Variants in IQGAP2 observed in about 807,000 individuals in gnomAD.
The protein encoded by IQGAP2 is IQ motif containing GTPase activating protein 2, also known as ras GTPase-activating-like protein IQGAP2.
IQGAP2 carries 173 observed loss-of-function variants against 201.3 expected under a neutral mutation model. The ratio of observed to expected loss-of-function variants is 0.86; its 90% CI spans 0.76 to 0.98. The LOEUF (loss-of-function observed/expected upper bound fraction) is 0.98. IQGAP2 is among the 50% of genes least tolerant of loss of function. IQGAP2 has a pLI of 0.00. For missense variants in IQGAP2, 1,687 were observed against 1,864.8 expected (o/e 0.90, Z 1.76); for synonymous variants, 675 against 673.9 (o/e 1.00, Z -0.03).
intron 5 of IQGAP2, among the ~76,000 whole-genome samples, chr5:76,582,833 T>C (rs62362012): frequency 0.16 from 23,601 of 152,180 alleles, 1,989 homozygotes; most frequent in Admixed American, 0.28. Context: ...ATACACTAAA[T>C]GGTATTTTTT....
At chr5:76,441,511 A>C in intron 1 of IQGAP2, 1 of 985,422 alleles carries the variant, frequency 1.0e-6, no homozygotes, top group Non-Finnish European at 1.2e-6. Context: ...GAAAGCGAGC[A>C]TGTTGGTAAG....
chr5:76,538,604 A>C (rs191206233), intron 2 of IQGAP2, among the ~76,000 whole-genome samples: 57 of 152,320 alleles, frequency 3.7e-4, no homozygotes, highest in Middle Eastern at 3.4e-3. Flanking sequence ...TGGTTTCTTA[A>C]GGAGTCTCAC....
intron 2 of IQGAP2, among the ~76,000 whole-genome samples, chr5:76,506,458 G>A (rs1303903430): frequency 1.3e-5 from 2 of 152,118 alleles, no homozygotes; most frequent in African/African-American, 2.4e-5. Context: ...GAAAAATATT[G>A]ACCAATAGGC....
intron 1 of IQGAP2, among the ~76,000 whole-genome samples, chr5:76,429,336 G>A (rs1352389411): frequency 6.6e-6 from 1 of 151,570 alleles, no homozygotes; most frequent in Admixed American, 6.6e-5. Context: ...ACTTTGGGAG[G>A]CTGAGGTGGG....
At chr5:76,663,176 T>C (rs750939542) in intron 21 of IQGAP2, among the ~76,000 whole-genome samples, 2 of 152,176 alleles carry the variant, frequency 1.3e-5, no homozygotes, top group Non-Finnish European at 2.9e-5. Context: ...CATGTCCGCT[T>C]GTGAAAATGA....
At chr5:76,521,328 A>G (rs1758675551) in intron 2 of IQGAP2, among the ~76,000 whole-genome samples, 4 of 152,204 alleles carry the variant, frequency 2.6e-5, no homozygotes. Context: ...AGCTTTTCAT[A>G]AGTGACAACA....
intron 13 of IQGAP2, among the ~76,000 whole-genome samples, chr5:76,625,807 A>G (rs921618956): frequency 6.6e-6 from 1 of 152,210 alleles, no homozygotes; most frequent in Admixed American, 6.5e-5. Context: ...TGCCAGATCC[A>G]TTACCTTTCA....
At chr5:76,535,757 A>C (rs1205492773) in intron 2 of IQGAP2, among the ~76,000 whole-genome samples, 1 of 152,230 alleles carries the variant, frequency 6.6e-6, no homozygotes, top group Non-Finnish European at 1.5e-5. Flanking sequence ...TGCTTCTTGC[A>C]GAGCAGGGCT....
At chr5:76,705,334 T>C (rs1293373652) in intron 35 of IQGAP2, among the ~76,000 whole-genome samples, 2 of 152,224 alleles carry the variant, frequency 1.3e-5, no homozygotes, top group Non-Finnish European at 2.9e-5. Context: ...AAATTGGCAG[T>C]GTTATCCCCA....
intron 8 of IQGAP2, among the ~76,000 whole-genome samples, chr5:76,591,799 A>G (rs1244829287): frequency 1.3e-5 from 2 of 152,080 alleles, no homozygotes; most frequent in African/African-American, 2.4e-5. Flanking sequence ...AGCCCATCCC[A>G]AATTGGCCTC....
In IQGAP2 at chr5:76,702,523, T is replaced by C. The variant is rs547415830; in HGVS notation, c.4547T>C (p.Val1516Ala). The stretch of plus-strand genomic sequence containing the variant: ...TTTGATATCATAGCTACTGAAGATG[T>C]AGGCATTTTCGATGTAAGATCAAAA... The part of the protein sequence containing the change: ...VTFDIIATED[V>A]GIFDVRSKFL... The change falls in exon 35 of 36, where the codon GTA (valine) becomes GCA (alanine). Residue 1516 changes from valine to alanine, a missense_variant. Physicochemically the swap from Val to Ala is moderately conservative, Grantham distance 64 (BLOSUM62 0). Coordinates refer to ENST00000274364, the MANE Select transcript of IQGAP2 (RefSeq NM_006633.5). 2.5e-6 allele frequency: 4 copies of C among 1,596,594 alleles called. No homozygotes were observed. Among genetic ancestry groups the C allele is most frequent in the Non-Finnish European group, 3.4e-6 (4 of 1,164,162 alleles).
intron 28 of IQGAP2, among the ~76,000 whole-genome samples, chr5:76,682,028 G>A (rs1460407106): frequency 6.6e-6 from 1 of 152,136 alleles, no homozygotes; most frequent in African/African-American, 2.4e-5. Context: ...ATACATACAG[G>A]TATATTTGTG....
chr5:76,522,614 AAGG>A (rs1411115341), intron 2 of IQGAP2, among the ~76,000 whole-genome samples: 5 of 152,242 alleles, frequency 3.3e-5, no homozygotes, highest in African/African-American at 1.2e-4. Context: ...TGAATGCAGA[AAGG>A]AGAATTCAGC....
At position 76,564,280 on chromosome 5, in the gene IQGAP2, T is replaced by G. The variant is rs568741813; in HGVS notation, c.303+1728T>G. Among the ~76,000 whole-genome samples the G allele has an allele frequency of 3.1e-3, 473 of 152,340 alleles. 1 individual carries two copies. The highest frequency in any genetic ancestry group is 3.5e-3 in the Non-Finnish European group (238 of 68,024). On this transcript the variant is annotated intron_variant, in intron 3 of 35. Transcript: ENST00000274364. ...ATTAGTCCACATTTTAGACTACAGC[T>G]TGTCTTTTTTTCATTGCTTTTATTT... is the stretch of plus-strand genomic sequence containing the variant.
intron 2 of IQGAP2, among the ~76,000 whole-genome samples, chr5:76,554,667 T>A (rs769185238): frequency 2.2e-4 from 34 of 152,146 alleles, no homozygotes; most frequent in Admixed American, 1.8e-3. Context: ...AGAATATTGG[T>A]AAGGATGTGA....
intron 13 of IQGAP2, among the ~76,000 whole-genome samples, chr5:76,611,592 C>T (rs892703991): frequency 3.9e-5 from 6 of 152,180 alleles, no homozygotes; most frequent in Admixed American, 2.0e-4. Context: ...AGGCAGTGGA[C>T]ATTGTCACAT....
At chr5:76,684,735 C>G (rs1329478190) in intron 30 of IQGAP2, among the ~76,000 whole-genome samples, 1 of 152,164 alleles carries the variant, frequency 6.6e-6, no homozygotes, top group Non-Finnish European at 1.5e-5. Flanking sequence ...TCCAAGCTAC[C>G]TGTCCTGAGT....
chr5:76,520,271 T>C (rs549631896), intron 2 of IQGAP2, among the ~76,000 whole-genome samples: 115 of 152,346 alleles, frequency 7.5e-4, no homozygotes, highest in Non-Finnish European at 1.4e-3. Flanking sequence ...TCAGCACCAC[T>C]TGTTGAAAAG....
chr5:76,624,440 C>T (rs932404801), intron 13 of IQGAP2: 5 of 152,134 alleles, frequency 3.3e-5, no homozygotes, highest in Admixed American at 2.0e-4. Flanking sequence ...CTGCGGAAAC[C>T]TTTCACATCT....
Sources: gnomAD v4.1 joint callset for allele counts (sites outside exome capture counted in the v4.1 genomes callset) on GRCh38, gnomAD v4.1.1 for gene constraint, MANE v1.5 for transcripts, NCBI Gene and HGNC (gene_info 2026-07-23, HGNC 2026-07-21) for gene names.